Variants in IPP observed in about 807,000 individuals in gnomAD.
IPP encodes intracisternal A particle-promoted polypeptide.
Under a neutral mutation model 64.1 loss-of-function variants are expected in IPP, and 41 were observed. That is an observed-to-expected ratio of 0.64 (90% CI 0.50 to 0.83). The LOEUF is 0.83. IPP is among the 40% of genes least tolerant of loss of function. IPP has a pLI of 0.00. For synonymous variants in IPP, 214 were observed against 235.2 expected, an observed-to-expected ratio of 0.91 and a Z score of 0.83; for missense variants, 649 against 703.0, an observed-to-expected ratio of 0.92 and a Z score of 0.87.
At chr1:45,703,278 G>A (rs1219041916) in intron 8 of IPP, among the ~76,000 whole-genome samples, 1 of 147,802 alleles carries the variant, frequency 6.8e-6, no homozygotes, top group Middle Eastern at 3.3e-3. Context: ...TTATAGGACA[G>A]GGTTTTCACC....
At chr1:45,726,843 C>A (rs1256838215) in intron 5 of IPP, among the ~76,000 whole-genome samples, 1 of 151,526 alleles carries the variant, frequency 6.6e-6, no homozygotes, top group Non-Finnish European at 1.5e-5. Flanking sequence ...CCTGCCTCAG[C>A]CTCCTGAGTA....
At chr1:45,702,578 C>T (rs987041412) in intron 8 of IPP, among the ~76,000 whole-genome samples, 8 of 152,208 alleles carry the variant, frequency 5.3e-5, no homozygotes, top group African/African-American at 1.9e-4. Context: ...CTTCAGCCTC[C>T]CAAGTAGCTA....
downstream of IPP, among the ~76,000 whole-genome samples, chr1:45,696,253 G>GCAGC (rs2148542401): frequency 6.6e-6 from 1 of 152,166 alleles, no homozygotes; most frequent in Non-Finnish European, 1.5e-5. Context: ...AAGTACATTG[G>GCAGC]CAGGATACTT....
chr1:45,727,908 T>C (rs567065239), intron 4 of IPP, 110 bp from the exon 5 acceptor site: 1 of 754,610 alleles, frequency 1.3e-6, no homozygotes, highest in Admixed American at 3.1e-5. Context: ...ACTTTCTCTA[T>C]ATACATATAA....
At chr1:45,750,326 A>G (rs1646204444) in intron 1 of IPP, among the ~76,000 whole-genome samples, 1 of 152,166 alleles carries the variant, frequency 6.6e-6, no homozygotes, top group South Asian at 2.1e-4. Context: ...GATCTCAGAC[A>G]AACGAGGCGA....
chr1:45,699,554 A>G lies in IPP; in HGVS notation c.*412T>C. 1 of 991,418 alleles carries G rather than the reference A, an allele frequency of 1.0e-6. No homozygotes were observed. Among genetic ancestry groups the G allele is most frequent in the African/African-American group, 1.7e-5 (1 of 57,452 alleles). 61.4% of individuals were successfully genotyped at this position (991,418 alleles called of 1,614,324 possible). A position where few individuals can be genotyped will look rare whatever the true frequency, so the allele number is the denominator to read the frequency against. On this transcript the variant is annotated 3_prime_UTR_variant, in exon 9 of 9. Coordinates refer to ENST00000396478, the MANE Select transcript of IPP (RefSeq NM_005897.3). ...TAAACTGGAGAATTCTACAGCATAA[A>G]TGGCATTTCTATTATTAGTAAACCT...
At chr1:45,697,031 G>A (rs536559845), downstream of IPP, 1 of 152,154 alleles carries the variant, frequency 6.6e-6, no homozygotes, top group Non-Finnish European at 1.5e-5. Context: ...TCTGTAACTA[G>A]AAATAGTAAA....
chr1:45,741,393 T>C (rs1646063887), intron 2 of IPP, 61 bp from the exon 3 acceptor site: 1 of 1,140,414 alleles, frequency 8.8e-7, no homozygotes, highest in Admixed American at 2.2e-5. Flanking sequence ...CTTACCATAT[T>C]CAAAAAGTAT....
intron 8 of IPP, among the ~76,000 whole-genome samples, chr1:45,700,678 G>A (rs1189113833): frequency 6.6e-6 from 1 of 152,092 alleles, no homozygotes; most frequent in Non-Finnish European, 1.5e-5. Context: ...CATGAACAAA[G>A]TAAATTTAGA....
chr1:45,749,551 C>A (rs1362357784), intron 1 of IPP, among the ~76,000 whole-genome samples: 2 of 132,850 alleles, frequency 1.5e-5, no homozygotes, highest in Non-Finnish European at 3.1e-5. Context: ...GACGGAGTCT[C>A]GCTCTGTCGC....
At position 45,727,689 on chromosome 1, in the gene IPP, AT is replaced by A; in HGVS notation, c.989del (p.His330LeufsTer9). On this transcript the variant is annotated frameshift_variant, in exon 5 of 9. Transcript: ENST00000396478. LOFTEE classifies it high-confidence loss of function. ...TTACTCCCAGCCCACTTCGAGCCTG[AT>A]GAAGTGAAGACACAGTGGTCCAGTA... Reference protein sequence around the residue: ...SQYWTTVSSLHQARSGLGVTV... With the variant: ...SQYWTTVSSLXQARSGLGVTV... 1 of 1,595,890 alleles carries A rather than the reference AT, an allele frequency of 6.3e-7. No individual in the cohort carries two copies. The highest frequency in any genetic ancestry group is 1.3e-5 in the African/African-American group (1 of 74,848).
chr1:45,732,149 C>T lies in IPP; in HGVS notation c.725-2380G>A, dbSNP rs193027057. Among the ~76,000 whole-genome samples the T allele has an allele frequency of 3.0e-4, 46 of 151,928 alleles. No homozygotes were observed. The East Asian group carries it at 6.4e-3, about 21-fold the overall frequency. Reference sequence around the variant, plus strand: ...CTATGGCGGGTGGATCACCTGAGGTCAAGAGTTCAAGACCAGTCTGGCCAA... The same window carrying T: ...CTATGGCGGGTGGATCACCTGAGGTTAAGAGTTCAAGACCAGTCTGGCCAA... On this transcript the variant is annotated intron_variant, in intron 3 of 8. Coordinates refer to ENST00000396478, the MANE Select transcript of IPP (RefSeq NM_005897.3).
chr1:45,694,696 T>A, downstream of IPP: 1 of 532,616 alleles, frequency 1.9e-6, no homozygotes, highest in Non-Finnish European at 3.4e-6. Flanking sequence ...GGACATGTTT[T>A]CCAGTTTTTA....
intron 3 of IPP, among the ~76,000 whole-genome samples, chr1:45,737,342 T>C (rs560549307): frequency 1.3e-5 from 2 of 152,284 alleles, no homozygotes; most frequent in East Asian, 3.9e-4. Context: ...TAAAATGTAT[T>C]TGTAACCCCA....
chr1:45,702,744 T>C (rs1436977379), intron 8 of IPP, among the ~76,000 whole-genome samples: 1 of 152,124 alleles, frequency 6.6e-6, no homozygotes, highest in Admixed American at 6.6e-5. Flanking sequence ...CATGAGCCAC[T>C]GCACCCGACC....
In IPP at chr1:45,699,638, T is replaced by C; in HGVS notation, c.*328A>G. ...TATATTCCATATCCATTCTCACTCA[T>C]ATTTTTAGAAAAATCATTCTTGAGT... is the stretch of plus-strand genomic sequence containing the variant. On this transcript the variant is annotated 3_prime_UTR_variant, in exon 9 of 9. Coordinates refer to ENST00000396478, the MANE Select transcript of IPP (RefSeq NM_005897.3). The C allele has an allele frequency of 1.9e-6, 2 of 1,057,516 alleles. No individual in the cohort carries two copies. Among genetic ancestry groups the C allele is most frequent in the Non-Finnish European group, 2.3e-6 (2 of 871,832 alleles). The allele number at this position is 1,057,516 out of a possible 1,614,324, so 65.5% of individuals were successfully genotyped here.
At chr1:45,730,076 G>A (rs1645886606) in intron 3 of IPP, among the ~76,000 whole-genome samples, 1 of 152,192 alleles carries the variant, frequency 6.6e-6, no homozygotes, top group Admixed American at 6.5e-5. Context: ...GGCCAGACGT[G>A]GTAGCTCACG....
chr1:45,747,116 A>C (rs78525467), intron 1 of IPP, among the ~76,000 whole-genome samples: 2 of 149,988 alleles, frequency 1.3e-5, no homozygotes, highest in Non-Finnish European at 3.0e-5. Flanking sequence ...GCGCGCGCAC[A>C]CGAGCGCGCG....
downstream of IPP, chr1:45,697,228 G>A (rs1645394822): frequency 1.3e-5 from 2 of 152,138 alleles, no homozygotes; most frequent in African/African-American, 2.4e-5. Flanking sequence ...GGAAGGTATA[G>A]TTGTAGACTA....
Sources: gnomAD v4.1 joint callset for allele counts (sites outside exome capture counted in the v4.1 genomes callset) on GRCh38, gnomAD v4.1.1 for gene constraint, MANE v1.5 for transcripts, NCBI Gene and HGNC (gene_info 2026-07-23, HGNC 2026-07-21) for gene names.